The following CHKA variants were observed in gnomAD, a reference collection of about 807,000 sequenced individuals.
CHKA encodes the protein choline kinase alpha.
CHKA carries 34 observed loss-of-function variants against 60.1 expected under a neutral mutation model. The ratio of observed to expected loss-of-function variants is 0.57; its 90% CI spans 0.43 to 0.75. The LOEUF (loss-of-function observed/expected upper bound fraction) is 0.75, where lower values mean the gene tolerates loss of function less well. CHKA is among the 30% of genes least tolerant of loss of function. The pLI, the probability that CHKA is intolerant of heterozygous loss-of-function variation, is 0.00. For synonymous variants in CHKA, 217 were observed against 223.1 expected, an observed-to-expected ratio of 0.97 and a Z score of 0.24; for missense variants, 563 against 561.3, an observed-to-expected ratio of 1.00 and a Z score of -0.03.
intron 1 of CHKA, among the ~76,000 whole-genome samples, chr11:68,119,370 G>A (rs1565198516): frequency 1.3e-5 from 2 of 152,174 alleles, no homozygotes; most frequent in Non-Finnish European, 2.9e-5. Context: ...GACCAAAACT[G>A]GACTTGGGGA....
chr11:68,061,189 C>T (rs530816957), intron 11 of CHKA, among the ~76,000 whole-genome samples: 1 of 147,678 alleles, frequency 6.8e-6, no homozygotes, highest in South Asian at 2.2e-4. Context: ...TCACTGCAAC[C>T]TCCACCTCCT....
chr11:68,074,931 A>G, intron 3 of CHKA, 101 bp from the exon 4 acceptor site: 4 of 1,018,168 alleles, frequency 3.9e-6, no homozygotes, highest in Non-Finnish European at 6.0e-6. Context: ...CCTCATGAGT[A>G]TTCTTTCACG....
intron 2 of CHKA, among the ~76,000 whole-genome samples, chr11:68,086,167 G>T (rs796120631): frequency 3.3e-5 from 5 of 152,214 alleles, no homozygotes; most frequent in African/African-American, 9.6e-5. Flanking sequence ...ACAAAAATTA[G>T]CTGGGTGTGG....
rs146917397 is a variant in CHKA at position 68,074,055 on chromosome 11, G to A, written c.630+662C>T. 1.7e-4 allele frequency among the ~76,000 whole-genome samples: 26 copies of A among 152,316 alleles called. No homozygotes were observed. The East Asian group carries it at 4.8e-3, about 28-fold the overall frequency. On this transcript the variant is annotated intron_variant, in intron 4 of 11. Coordinates refer to ENST00000265689, the MANE Select transcript of CHKA (RefSeq NM_001277.3). ...CATGAAGCATTGTGCAGGGCATGGA[G>A]TCAGGGGTGGGTGGGTAGAGGAACA... is the stretch of plus-strand genomic sequence containing the variant.
intron 4 of CHKA, among the ~76,000 whole-genome samples, chr11:68,072,959 C>T (rs1049650146): frequency 1.3e-5 from 2 of 152,150 alleles, no homozygotes; most frequent in Non-Finnish European, 2.9e-5. Context: ...CATGCTATTG[C>T]ACTCCAGCCT....
In CHKA at chr11:68,053,649, G is replaced by A; in HGVS notation, c.*339C>T. ...TCAACATTAACCAAAGTACCTGCAA[G>A]TAACACTGCTTACTCTTGCTGTTTG... On this transcript the variant is annotated 3_prime_UTR_variant, in exon 12 of 12. Coordinates refer to ENST00000265689, the MANE Select transcript of CHKA (RefSeq NM_001277.3). The A allele has an allele frequency of 3.8e-6, 1 of 263,176 alleles. No homozygotes were observed. The highest frequency in any genetic ancestry group is 7.3e-6 in the Non-Finnish European group (1 of 136,276). 16.3% of individuals were successfully genotyped at this position (263,176 alleles called of 1,614,324 possible).
intron 11 of CHKA, among the ~76,000 whole-genome samples, chr11:68,058,327 T>TA: frequency 6.6e-6 from 1 of 152,256 alleles, no homozygotes. Context: ...CATTTTCATA[T>TA]AAATTTCAGG....
intron 3 of CHKA, among the ~76,000 whole-genome samples, chr11:68,079,922 G>A (rs901950137): frequency 6.6e-6 from 1 of 152,122 alleles, no homozygotes; most frequent in African/African-American, 2.4e-5. Context: ...ATCATGGGGC[G>A]CCCTAGCATG....
At chr11:68,068,987 A>T in intron 6 of CHKA, 50 bp from the exon 7 acceptor site, 1 of 1,454,034 alleles carries the variant, frequency 6.9e-7, no homozygotes, top group Non-Finnish European at 9.6e-7. Flanking sequence ...AGTCAGCTGC[A>T]CACAGTCTTG....
chr11:68,094,230 C>T (rs1238679844), intron 2 of CHKA, among the ~76,000 whole-genome samples: 1 of 152,106 alleles, frequency 6.6e-6, no homozygotes, highest in Admixed American at 6.6e-5. Flanking sequence ...AAACAGTCCT[C>T]AAAGAAAAAA....
At position 68,081,474 on chromosome 11, in the gene CHKA, G is replaced by A; in HGVS notation, c.463-17C>T. On this transcript the variant is annotated splice_polypyrimidine_tract_variant and intron_variant, in intron 2 of 11. Coordinates refer to ENST00000265689, the MANE Select transcript of CHKA (RefSeq NM_001277.3). ...ACAGGACCTCTATGAATGAGAAAAA[G>A]GAAACACTTCTGGTGAGATGGGGAA... The A allele has an allele frequency of 6.2e-7, 1 of 1,605,958 alleles. No homozygotes were observed.
intron 11 of CHKA, among the ~76,000 whole-genome samples, chr11:68,056,645 AG>A (rs1856026070): frequency 1.3e-5 from 2 of 152,208 alleles, no homozygotes; most frequent in Admixed American, 1.3e-4. Flanking sequence ...ACCCACCCAC[AG>A]GGACAGAAGC....
At chr11:68,116,730 AAG>A (rs1720877526) in intron 1 of CHKA, among the ~76,000 whole-genome samples, 1 of 152,126 alleles carries the variant, frequency 6.6e-6, no homozygotes, top group African/African-American at 2.4e-5. Flanking sequence ...AAAAAAAAGA[AAG>A]AAAGAAAGAA....
Position 68,116,471 on chromosome 11 carries a change from T to C in CHKA, c.350+4357A>G, listed in dbSNP as rs199708729. 5.9e-5 allele frequency among the ~76,000 whole-genome samples: 9 copies of C among 151,782 alleles called. No homozygotes were observed. In the East Asian group the frequency reaches 1.5e-3, roughly 26 times the overall value. ...GCTCATGCCTGTAATCCCAGCACTA[T>C]GGGAGGCCAAAGCAGGCGGATCATG... On this transcript the variant is annotated intron_variant, in intron 1 of 11. Coordinates refer to ENST00000265689, the MANE Select transcript of CHKA (RefSeq NM_001277.3).
In CHKA at chr11:68,053,912, C is replaced by A; in HGVS notation, c.*76G>T. 7.9e-7 allele frequency: 1 copy of A among 1,268,916 alleles called. No homozygotes were observed. Among genetic ancestry groups the A allele is most frequent in the South Asian group, 1.2e-5 (1 of 80,584 alleles). The allele number at this position is 1,268,916 out of a possible 1,614,324, so 78.6% of individuals were successfully genotyped here. ...AGCCTCCTGCCACAGGAGCAGTAGT[C>A]GAAGCACAGAGGGGACCCCGCTCTG... On this transcript the variant is annotated 3_prime_UTR_variant, in exon 12 of 12. Coordinates refer to ENST00000265689, the MANE Select transcript of CHKA (RefSeq NM_001277.3).
intron 1 of CHKA, among the ~76,000 whole-genome samples, chr11:68,112,865 G>GT: frequency 3.3e-5 from 5 of 151,640 alleles, no homozygotes; most frequent in Admixed American, 6.6e-5. Flanking sequence ...GGAGGATCAC[G>GT]AGGTCAGGAG....
chr11:68,068,481 G>A (rs545037333), intron 7 of CHKA, among the ~76,000 whole-genome samples: 9 of 151,070 alleles, frequency 6.0e-5, no homozygotes, highest in South Asian at 2.1e-4. Flanking sequence ...ACAGTGGTGC[G>A]ATCACAGCAT....
chr11:68,078,883 AAACTTCTGAAATTC>A (rs1856876312), intron 3 of CHKA, among the ~76,000 whole-genome samples: 1 of 152,184 alleles, frequency 6.6e-6, no homozygotes, highest in African/African-American at 2.4e-5. Context: ...ATGCATAGGA[AAACTTCTGAAATTC>A]AATTCAGGTC....
chr11:68,106,823 T>C (rs1487514478), intron 1 of CHKA, among the ~76,000 whole-genome samples: 1 of 152,214 alleles, frequency 6.6e-6, no homozygotes, highest in Admixed American at 6.5e-5. Flanking sequence ...CGGCTCAGCC[T>C]TGACGCTTTG....
Sources: gnomAD v4.1 joint callset for allele counts (sites outside exome capture counted in the v4.1 genomes callset) on GRCh38, gnomAD v4.1.1 for gene constraint, MANE v1.5 for transcripts, NCBI Gene and HGNC (gene_info 2026-07-23, HGNC 2026-07-21) for gene names.